Variants in PPP2R2C observed in about 807,000 individuals in gnomAD.
PPP2R2C encodes the protein protein phosphatase 2 regulatory subunit Bgamma, also known as protein phosphatase 2, regulatory subunit B, gamma.
Under a neutral mutation model 45.3 loss-of-function variants are expected in PPP2R2C, and 10 were observed. That is an observed-to-expected ratio of 0.22 (90% confidence interval 0.14 to 0.37). The LOEUF is 0.37. Ranked by LOEUF, PPP2R2C falls within the 10% of genes least tolerant of loss-of-function variation. The pLI, the probability that PPP2R2C is intolerant of heterozygous loss-of-function variation, is 1.00. For missense variants in PPP2R2C, 308 were observed against 619.7 expected (o/e 0.50, Z 5.34); for synonymous variants, 257 against 245.4 (o/e 1.05, Z -0.44).
intron 2 of PPP2R2C, among the ~76,000 whole-genome samples, chr4:6,502,421 T>C (rs769165760): frequency 2.6e-5 from 4 of 152,138 alleles, no homozygotes; most frequent in African/African-American, 4.8e-5. Flanking sequence ...ATGGTGACTG[T>C]GGTGTGGCCT....
At chr4:6,458,343 C>T (rs1721148900) in intron 1 of PPP2R2C, among the ~76,000 whole-genome samples, 1 of 152,166 alleles carries the variant, frequency 6.6e-6, no homozygotes, top group African/African-American at 2.4e-5. Flanking sequence ...GGCTGGAAGT[C>T]CAAGATCAAG....
intron 5 of PPP2R2C, among the ~76,000 whole-genome samples, chr4:6,356,320 T>A (rs1351269051): frequency 6.6e-6 from 1 of 152,210 alleles, no homozygotes; most frequent in African/African-American, 2.4e-5. Context: ...TCCAATCCCC[T>A]CTGCCTTCCA....
chr4:6,472,308 G>T lies in PPP2R2C; in HGVS notation c.-79C>A. 1 of 1,583,756 alleles carries T rather than the reference G, an allele frequency of 6.3e-7. No homozygotes were observed. Among genetic ancestry groups the T allele is most frequent in the South Asian group, 1.1e-5 (1 of 88,506 alleles). On this transcript the variant is annotated 5_prime_UTR_variant, in exon 1 of 9. Transcript: ENST00000382599. ...TCCGCAGAGGTCGCGCCGGGCGCGC[G>T]GGCCATGCCGCCGCAGCCTAGCAGG...
At chr4:6,538,609 A>G (rs1577247005) in intron 1 of PPP2R2C, among the ~76,000 whole-genome samples, 1 of 152,216 alleles carries the variant, frequency 6.6e-6, no homozygotes, top group Non-Finnish European at 1.5e-5. Flanking sequence ...ATTATACAAT[A>G]AAACCTCAAG....
intron 1 of PPP2R2C, among the ~76,000 whole-genome samples, chr4:6,403,036 G>T (rs141852973): frequency 2.6e-5 from 4 of 152,184 alleles, no homozygotes; most frequent in African/African-American, 9.7e-5. Context: ...AAGACCAGGC[G>T]GCAGGAGGGC....
chr4:6,374,732 T>C (rs1196671134), intron 4 of PPP2R2C, among the ~76,000 whole-genome samples: 1 of 152,194 alleles, frequency 6.6e-6, no homozygotes, highest in African/African-American at 2.4e-5. Flanking sequence ...GGGGACACTT[T>C]GGGGACAGGT....
At chr4:6,540,176 A>C (rs1422626233) in intron 1 of PPP2R2C, among the ~76,000 whole-genome samples, 1 of 152,194 alleles carries the variant, frequency 6.6e-6, no homozygotes, top group South Asian at 2.1e-4. Flanking sequence ...CTTTTAAAAC[A>C]TTTCATCACC....
rs751908987 is a variant in PPP2R2C at position 6,333,646 on chromosome 4, G to A, written c.876C>T (p.Ser292=). Reference sequence around the variant, plus strand: ...AGTCCCGGGTGAGCATGTAGCGGCCGCTGTGGCTGAACTTCACGTCGGACA... The same window carrying A: ...AGTCCCGGGTGAGCATGTAGCGGCCACTGTGGCTGAACTTCACGTCGGACA... ...SSVSDVKFSH[S]GRYMLTRDYL... is the part of the protein sequence containing the mutation. Residue 292 remains serine, a synonymous_variant, in exon 7 of 9, where the codon AGC becomes AGT. Transcript: ENST00000382599. 39 of 1,614,042 alleles carry A rather than the reference G, an allele frequency of 2.4e-5. No individual in the cohort carries two copies. Among genetic ancestry groups the A allele is most frequent in the South Asian group, 1.1e-4 (10 of 91,078 alleles).
intron 1 of PPP2R2C, among the ~76,000 whole-genome samples, chr4:6,438,940 A>G (rs994932205): frequency 1.3e-5 from 2 of 152,208 alleles, no homozygotes; most frequent in African/African-American, 4.8e-5. Context: ...GCATGATCAG[A>G]TTGACCCAAG....
rs576961367 is a variant in PPP2R2C, at chr4:6,332,844, G to A, written c.960+718C>T. On this transcript the variant is annotated intron_variant, in intron 7 of 8. Coordinates refer to ENST00000382599, the MANE Select transcript of PPP2R2C (RefSeq NM_020416.4). The surrounding 1 kb of genome is among the most constrained non-coding windows in gnomAD (Gnocchi z 4.9). ...GGTGTTTTCCCACCCATGTTTGCACGGCCAGATCTTACCCATCCTTCAAGG... is the reference window on the plus strand; with the variant it reads ...GGTGTTTTCCCACCCATGTTTGCACAGCCAGATCTTACCCATCCTTCAAGG... Among the ~76,000 whole-genome samples the A allele has an allele frequency of 7.2e-5, 11 of 152,186 alleles. No homozygotes were observed. In the South Asian group the frequency reaches 1.9e-3, roughly 26 times the overall value.
At chr4:6,353,427 C>A (rs1471723720) in intron 5 of PPP2R2C, among the ~76,000 whole-genome samples, 3 of 43,476 alleles carry the variant, frequency 6.9e-5, no homozygotes, top group African/African-American at 2.5e-4. Flanking sequence ...CACCGACAGC[C>A]CCCCCACACC....
chr4:6,508,976 T>C (rs1723335098), intron 2 of PPP2R2C, among the ~76,000 whole-genome samples: 1 of 152,180 alleles, frequency 6.6e-6, no homozygotes, highest in Non-Finnish European at 1.5e-5. Flanking sequence ...TTTAATAAAC[T>C]TTCACTCCAG....
chr4:6,478,757 A>C (rs1722251920), intron 2 of PPP2R2C, among the ~76,000 whole-genome samples: 1 of 152,154 alleles, frequency 6.6e-6, no homozygotes, highest in African/African-American at 2.4e-5. Flanking sequence ...TGACCCTCCA[A>C]AACGCAGCGG....
intron 5 of PPP2R2C, among the ~76,000 whole-genome samples, chr4:6,351,481 A>G (rs1712550347): frequency 6.6e-6 from 1 of 152,158 alleles, no homozygotes; most frequent in Non-Finnish European, 1.5e-5. Flanking sequence ...AGAGTCCCCA[A>G]AGGCAAAGGG....
At chr4:6,539,306 G>T (rs1724731857) in intron 1 of PPP2R2C, among the ~76,000 whole-genome samples, 1 of 152,196 alleles carries the variant, frequency 6.6e-6, no homozygotes, top group Non-Finnish European at 1.5e-5. Context: ...GGCTGGGACA[G>T]ATTCCCCCCA....
rs545534594 is a variant in PPP2R2C at position 6,550,171 on chromosome 4, C to G, written c.-59+13389G>C. On this transcript the variant is annotated intron_variant, in intron 1 of 9. Transcript: ENST00000506140. Reference sequence around the variant, plus strand: ...GTCACTCAGCCTCTCTGAGCCTCCCCGTCCCCCACTGGTGGAATGAGATGG... The same window carrying G: ...GTCACTCAGCCTCTCTGAGCCTCCCGGTCCCCCACTGGTGGAATGAGATGG... Among the ~76,000 whole-genome samples, 36 of 152,244 alleles carry G rather than the reference C, an allele frequency of 2.4e-4. 1 individual carries two copies. The South Asian group carries it at 6.6e-3, about 28-fold the overall frequency.
chr4:6,472,022 G>T (rs1577208776), intron 1 of PPP2R2C, 138 bp downstream of exon 1: 1 of 1,057,786 alleles, frequency 9.5e-7, no homozygotes, highest in Non-Finnish European at 1.3e-6. Context: ...GGGTGGGGTG[G>T]GGTGGGATGG....
At chr4:6,489,172 G>C (rs1722619343) in intron 2 of PPP2R2C, among the ~76,000 whole-genome samples, 1 of 152,234 alleles carries the variant, frequency 6.6e-6, no homozygotes, top group Non-Finnish European at 1.5e-5. Flanking sequence ...TCTCAAGGCA[G>C]TAAGCTGGAG....
At chr4:6,359,355 GA>G (rs1281166558) in intron 5 of PPP2R2C, among the ~76,000 whole-genome samples, 1 of 152,158 alleles carries the variant, frequency 6.6e-6, no homozygotes, top group Non-Finnish European at 1.5e-5. Flanking sequence ...TGGAGTGGGG[GA>G]ATGGAGGAGG....
Sources: gnomAD v4.1 joint callset for allele counts (sites outside exome capture counted in the v4.1 genomes callset) on GRCh38, gnomAD v4.1.1 for gene constraint, Gnocchi (gnomAD v3.1) non-coding constraint, MANE v1.5 for transcripts, NCBI Gene and HGNC (gene_info 2026-07-23, HGNC 2026-07-21) for gene names.